UBN2: variants seen among roughly 807,000 people sequenced by gnomAD.
The protein encoded by UBN2 is ubinuclein 2, also known as ubinuclein-2.
Under a neutral mutation model 120.2 loss-of-function variants are expected in UBN2, and 35 were observed. That is an observed-to-expected ratio of 0.29 (90% CI 0.22 to 0.39). The LOEUF is 0.39. UBN2 is among the 10% of genes least tolerant of loss of function. The probability of loss-of-function intolerance (pLI) is 1.00; values close to 1 mark genes in which losing one functional copy is unlikely to be tolerated. For missense variants in UBN2, 1,693 were observed against 1,663.2 expected (o/e 1.02, Z -0.31); for synonymous variants, 661 against 648.7 (o/e 1.02, Z -0.29).
chr7:139,319,580 C>T, the UBN2 span, among the ~76,000 whole-genome samples: 1 of 152,034 alleles, frequency 6.6e-6, no homozygotes, highest in Non-Finnish European at 1.5e-5. Flanking sequence ...ACATAGCAGA[C>T]ACTCCATCTC....
At chr7:139,232,052 C>T (rs1028906046) in intron 1 of UBN2, 100 bp downstream of exon 1, 9 of 1,214,584 alleles carry the variant, frequency 7.4e-6, no homozygotes, top group Non-Finnish European at 6.7e-6. Context: ...CGAGCGCGTC[C>T]GGGTCGCCCC....
the UBN2 span, among the ~76,000 whole-genome samples, chr7:139,326,170 C>T: frequency 1.3e-5 from 2 of 152,142 alleles, no homozygotes; most frequent in Admixed American, 6.5e-5. Flanking sequence ...GCAGGAGAAT[C>T]GCTTGAACCC....
At chr7:139,250,485 C>T (rs1245180781) in intron 2 of UBN2, among the ~76,000 whole-genome samples, 1 of 151,598 alleles carries the variant, frequency 6.6e-6, no homozygotes, top group African/African-American at 2.4e-5. Flanking sequence ...CCGCCTGCCT[C>T]GACCTCCCAA....
intron 17 of UBN2, among the ~76,000 whole-genome samples, chr7:139,294,549 A>T (rs1273108488): frequency 2.0e-5 from 3 of 152,232 alleles, no homozygotes; most frequent in Admixed American, 2.0e-4. Flanking sequence ...AGATGAAATT[A>T]ATATGATCCT....
chr7:139,297,204 A>T (rs927190685), intron 17 of UBN2, among the ~76,000 whole-genome samples: 2 of 151,500 alleles, frequency 1.3e-5, no homozygotes, highest in Admixed American at 1.3e-4. Flanking sequence ...AAAAAAAAAA[A>T]AAAAAAAGGA....
intron 8 of UBN2, among the ~76,000 whole-genome samples, chr7:139,271,577 C>T (rs934256360): frequency 2.0e-5 from 3 of 148,216 alleles, no homozygotes; most frequent in African/African-American, 5.0e-5. Context: ...CAGCGAGACT[C>T]TGTCTCCAAA....
At chr7:139,261,190 TTATG>T in intron 5 of UBN2, 58 bp from the exon 6 acceptor site, 1 of 1,512,822 alleles carries the variant, frequency 6.6e-7, no homozygotes. Flanking sequence ...GCCTGCTTAT[TTATG>T]TGACACTTTA....
rs1798322169 is a variant in UBN2, at chr7:139,304,443, T to C, written c.*6607T>C. On this transcript the variant is annotated 3_prime_UTR_variant, in exon 18 of 18. Transcript: ENST00000473989. ...AGTACTACTACATAGAATTTTCCCG[T>C]TATCGTTTAAAATAATAGCAACAGG... 1 of 152,160 alleles carries C rather than the reference T, an allele frequency of 6.6e-6. No homozygotes were observed. The highest frequency in any genetic ancestry group is 1.5e-5 in the Non-Finnish European group (1 of 68,050). The allele number at this position is 152,160 out of a possible 1,614,324, so 9.4% of individuals were successfully genotyped here.
chr7:139,236,602 A>G (rs1796168621), intron 1 of UBN2, among the ~76,000 whole-genome samples: 1 of 151,962 alleles, frequency 6.6e-6, no homozygotes, highest in Non-Finnish European at 1.5e-5. Context: ...TTTCTTTGTT[A>G]TTTTGGATGA....
In UBN2 at chr7:139,261,500, T is replaced by G. The variant is rs1796931948; in HGVS notation, c.1154T>G (p.Val385Gly). The G allele has an allele frequency of 6.2e-7, 1 of 1,614,118 alleles. No individual in the cohort carries two copies. Among genetic ancestry groups the G allele is most frequent in the Non-Finnish European group, 8.5e-7 (1 of 1,180,054 alleles). The change falls in exon 6 of 18, where the codon GTT becomes GGT. Residue 385 changes from valine (V) to glycine (G), a missense_variant. Coordinates refer to ENST00000473989, the MANE Select transcript of UBN2 (RefSeq NM_173569.4). ...GGTGATCCAGACCTTCCCATTTTTGTTAGCACAAATGAACATGAGCTGTTT... is the reference window on the plus strand; with the variant it reads ...GGTGATCCAGACCTTCCCATTTTTGGTAGCACAAATGAACATGAGCTGTTT... The part of the protein sequence containing the change: ...SSGDPDLPIF[V>G]STNEHELFQE...
chr7:139,316,188 A>G, the UBN2 span, among the ~76,000 whole-genome samples: 12 of 148,616 alleles, frequency 8.1e-5, no homozygotes, highest in East Asian at 2.0e-4. Context: ...CCTAGTAGGT[A>G]TAAGTGGTAT....
At chr7:139,259,448 T>TTGGCCGGGCGCGGTGGC in intron 5 of UBN2, 78 bp downstream of exon 5, 3 of 1,556,846 alleles carry the variant, frequency 1.9e-6, no homozygotes, top group Non-Finnish European at 2.6e-6. Flanking sequence ...ATACTTACCA[T>TTGGCCGGGCGCGGTGGC]TAACTAATTC....
rs78474524 is a variant in UBN2, at chr7:139,282,874, C to T, written c.2119-150C>T. 9.7e-4 allele frequency: 701 copies of T among 721,240 alleles called. 3 individuals are homozygous for T. In the African/African-American group the frequency reaches 0.011, roughly 12 times the overall value. The allele number at this position is 721,240 out of a possible 1,614,324, so 44.7% of individuals were successfully genotyped here. ...ACAGCTCAGTCAGGAGCTCTGTCAT[C>T]TCAAAAATTATTTTTGTTTTGATAG... On this transcript the variant is annotated intron_variant, in intron 14 of 17. Coordinates refer to ENST00000473989, the MANE Select transcript of UBN2 (RefSeq NM_173569.4).
At chr7:139,237,621 A>G (rs1433395160) in intron 2 of UBN2, among the ~76,000 whole-genome samples, 1 of 152,140 alleles carries the variant, frequency 6.6e-6, no homozygotes, top group African/African-American at 2.4e-5. Flanking sequence ...CAATCTTTGT[A>G]ACAAAACCAC....
At chr7:139,232,096 G>C (rs1796037627) in intron 1 of UBN2, 144 bp downstream of exon 1, 2 of 730,008 alleles carry the variant, frequency 2.7e-6, no homozygotes, top group South Asian at 2.0e-5. Flanking sequence ...GGCCGAGCGG[G>C]TGGACGGGGC....
At chr7:139,245,746 G>A (rs1262120189) in intron 2 of UBN2, among the ~76,000 whole-genome samples, 5 of 152,216 alleles carry the variant, frequency 3.3e-5, no homozygotes, top group Admixed American at 2.6e-4. Flanking sequence ...AGAAAAGATT[G>A]AAAATGTAGG....
chr7:139,296,096 T>G (rs1405613676), intron 17 of UBN2, among the ~76,000 whole-genome samples: 2 of 152,220 alleles, frequency 1.3e-5, no homozygotes, highest in African/African-American at 4.8e-5. Flanking sequence ...TTTTAATGAC[T>G]TCATATGAGA....
chr7:139,266,615 TA>T (rs2130995195), intron 7 of UBN2, among the ~76,000 whole-genome samples: 1 of 152,326 alleles, frequency 6.6e-6, no homozygotes, highest in East Asian at 1.9e-4. Context: ...AAGCTTCCAA[TA>T]GTTACAACTG....
At chr7:139,257,105 A>G (rs564231788) in intron 3 of UBN2, among the ~76,000 whole-genome samples, 2 of 152,302 alleles carry the variant, frequency 1.3e-5, no homozygotes, top group African/African-American at 4.8e-5. Flanking sequence ...ATATCTTTCT[A>G]CAATCAGATA....
Sources: allele counts gnomAD v4.1 joint callset (sites outside exome capture counted in the v4.1 genomes callset), GRCh38; gene constraint gnomAD v4.1.1; transcripts MANE v1.5; gene names NCBI Gene and HGNC (gene_info 2026-07-23, HGNC 2026-07-21).